The following FHOD3 variants were observed in gnomAD, a reference collection of about 807,000 sequenced individuals.
The protein encoded by FHOD3 is formin homology 2 domain containing 3.
Under a neutral mutation model 173.0 loss-of-function variants are expected in FHOD3, and 90 were observed. The observed-to-expected ratio is 0.52, with a 90% confidence interval of 0.44 to 0.62. The LOEUF (loss-of-function observed/expected upper bound fraction) is 0.62, where lower values mean the gene tolerates loss of function less well. FHOD3 is among the 20% of genes least tolerant of loss of function. The probability of loss-of-function intolerance (pLI) is 0.00; values close to 1 mark genes in which losing one functional copy is unlikely to be tolerated. For missense variants in FHOD3, 1,945 were observed against 2,034.7 expected, an observed-to-expected ratio of 0.96 and a Z score of 0.85; for synonymous variants, 828 against 823.0, an observed-to-expected ratio of 1.01 and a Z score of -0.10.
intron 6 of FHOD3, 77 bp from the exon 7 acceptor site, chr18:36,594,710 C>G: frequency 1.0e-6 from 1 of 969,800 alleles, no homozygotes; most frequent in East Asian, 2.5e-5. Flanking sequence ...GCTGGGTGCC[C>G]GCTGCGGTTA....
chr18:36,343,686 G>T (rs1290490299), intron 1 of FHOD3, among the ~76,000 whole-genome samples: 1 of 152,156 alleles, frequency 6.6e-6, no homozygotes, highest in Non-Finnish European at 1.5e-5. Context: ...TTTGCCTTTT[G>T]TCATGAGTGG....
chr18:36,395,372 T>C (rs560822437), intron 3 of FHOD3, among the ~76,000 whole-genome samples: 6 of 152,142 alleles, frequency 3.9e-5, no homozygotes, highest in Non-Finnish European at 7.4e-5. Flanking sequence ...TTGTAAACTA[T>C]ACTCACTTCA....
intron 14 of FHOD3, among the ~76,000 whole-genome samples, chr18:36,679,048 T>A (rs1477076676): frequency 6.6e-6 from 1 of 152,156 alleles, no homozygotes; most frequent in Non-Finnish European, 1.5e-5. Flanking sequence ...TTTCGTGGAT[T>A]TTTTTTCATG....
At chr18:36,505,819 C>T (rs1174414657) in intron 4 of FHOD3, among the ~76,000 whole-genome samples, 1 of 152,128 alleles carries the variant, frequency 6.6e-6, no homozygotes, top group Non-Finnish European at 1.5e-5. Flanking sequence ...TGAGACAGCT[C>T]CTATGGGAAA....
intron 4 of FHOD3, among the ~76,000 whole-genome samples, chr18:36,507,813 A>G (rs538458010): frequency 6.6e-6 from 1 of 152,136 alleles, no homozygotes; most frequent in Non-Finnish European, 1.5e-5. Context: ...CAGATCCCCA[A>G]CTGCAGTTGG....
At chr18:36,371,756 C>T (rs1204355509) in intron 2 of FHOD3, among the ~76,000 whole-genome samples, 3 of 152,080 alleles carry the variant, frequency 2.0e-5, no homozygotes, top group African/African-American at 7.3e-5. Flanking sequence ...AACCACACAC[C>T]AGGAGGCAGG....
At chr18:36,494,339 G>T (rs546507909) in intron 3 of FHOD3, among the ~76,000 whole-genome samples, 52 of 152,224 alleles carry the variant, frequency 3.4e-4, no homozygotes, top group Non-Finnish European at 5.9e-5. Flanking sequence ...ACTATTAAAG[G>T]GACATAGTTC....
At chr18:36,458,950 T>G (rs1435457929) in intron 3 of FHOD3, among the ~76,000 whole-genome samples, 1 of 152,214 alleles carries the variant, frequency 6.6e-6, no homozygotes, top group Non-Finnish European at 1.5e-5. Context: ...TTGACTATGT[T>G]GCCTTTTGCC....
intron 3 of FHOD3, among the ~76,000 whole-genome samples, chr18:36,409,172 T>TG (rs200482872): frequency 0.011 from 1,691 of 152,030 alleles, 20 homozygotes; most frequent in Non-Finnish European, 0.018. Context: ...GAAACCTTCT[T>TG]GGGGGGGTAA....
At chr18:36,455,935 G>C (rs1304773302) in intron 3 of FHOD3, among the ~76,000 whole-genome samples, 1 of 152,142 alleles carries the variant, frequency 6.6e-6, no homozygotes, top group African/African-American at 2.4e-5. Flanking sequence ...TGGCAGACAT[G>C]AATCTCTTGG....
At chr18:36,446,690 A>G (rs1385908451) in intron 3 of FHOD3, among the ~76,000 whole-genome samples, 1 of 152,150 alleles carries the variant, frequency 6.6e-6, no homozygotes, top group Admixed American at 6.6e-5. Context: ...TGGCCAGTTC[A>G]TACGCAAACT....
chr18:36,463,047 G>A (rs1276357057), intron 3 of FHOD3, among the ~76,000 whole-genome samples: 1 of 152,038 alleles, frequency 6.6e-6, no homozygotes, highest in Non-Finnish European at 1.5e-5. Flanking sequence ...AAATAGTAAT[G>A]TCTCCAGTTG....
chr18:36,373,813 A>G (rs1313809864), intron 3 of FHOD3, among the ~76,000 whole-genome samples: 1 of 152,192 alleles, frequency 6.6e-6, no homozygotes, highest in African/African-American at 2.4e-5. Context: ...GTATATGGGC[A>G]CTTATATTAA....
intron 5 of FHOD3, among the ~76,000 whole-genome samples, chr18:36,526,521 G>T (rs1054274724): frequency 1.8e-4 from 27 of 151,882 alleles, no homozygotes; most frequent in African/African-American, 6.0e-4. Context: ...CGCCTCCTGC[G>T]TTCCAGCGAT....
At chr18:36,575,563 A>G (rs926761846) in intron 5 of FHOD3, among the ~76,000 whole-genome samples, 4 of 152,238 alleles carry the variant, frequency 2.6e-5, no homozygotes, top group Non-Finnish European at 4.4e-5. Flanking sequence ...ATTTTCTAAA[A>G]TAAGCTGTTC....
intron 5 of FHOD3, among the ~76,000 whole-genome samples, chr18:36,539,077 T>A (rs143417752): frequency 2.0e-5 from 3 of 152,258 alleles, no homozygotes; most frequent in Non-Finnish European, 4.4e-5. Context: ...ACGCATCTTA[T>A]GTTGCTTAGC....
intron 14 of FHOD3, among the ~76,000 whole-genome samples, chr18:36,660,467 G>A (rs781332780): frequency 3.3e-5 from 5 of 152,318 alleles, no homozygotes; most frequent in Non-Finnish European, 5.9e-5. Context: ...GGGCTGCCGC[G>A]AGGCAGTGTC....
intron 10 of FHOD3, among the ~76,000 whole-genome samples, chr18:36,634,908 A>G (rs1428916103): frequency 6.6e-6 from 1 of 152,222 alleles, no homozygotes; most frequent in East Asian, 1.9e-4. Context: ...AGGATTTCAC[A>G]ACAACCAGAT....
At chr18:36,303,242 C>T (rs572342439) in intron 1 of FHOD3, among the ~76,000 whole-genome samples, 2 of 152,154 alleles carry the variant, frequency 1.3e-5, no homozygotes, top group African/African-American at 2.4e-5. Flanking sequence ...GGCTATACTG[C>T]GTTTAAGTGA....
Sources: gnomAD v4.1 joint callset for allele counts (sites outside exome capture counted in the v4.1 genomes callset) on GRCh38, gnomAD v4.1.1 for gene constraint, MANE v1.5 for transcripts, NCBI Gene and HGNC (gene_info 2026-07-23, HGNC 2026-07-21) for gene names.